NEBL: variants seen among roughly 807,000 people sequenced by gnomAD.
NEBL encodes the protein nebulette.
Under a neutral mutation model 140.2 loss-of-function variants are expected in NEBL, and 122 were observed. That is an observed-to-expected ratio of 0.87 (90% CI 0.75 to 1.01). NEBL has a LOEUF of 1.01. NEBL is among the 50% of genes least tolerant of loss of function. NEBL has a pLI of 0.00. For missense variants in NEBL, 1,365 were observed against 1,231.3 expected (o/e 1.11, Z -1.62); for synonymous variants, 436 against 398.9 (o/e 1.09, Z -1.11).
At chr10:21,064,915 A>G (rs1438193407) in intron 2 of NEBL, among the ~76,000 whole-genome samples, 1 of 152,148 alleles carries the variant, frequency 6.6e-6, no homozygotes, top group Non-Finnish European at 1.5e-5. Flanking sequence ...AGGAAAAAAA[A>G]AATATTTAAG....
intron 2 of NEBL, chr10:21,110,943 G>T: frequency 2.2e-6 from 1 of 458,192 alleles, no homozygotes; most frequent in Admixed American, 2.7e-5. Context: ...TTCCTATGCA[G>T]CAATAACAGA....
At chr10:21,148,818 G>A (rs1330200366) in intron 2 of NEBL, among the ~76,000 whole-genome samples, 4 of 152,132 alleles carry the variant, frequency 2.6e-5, no homozygotes, top group East Asian at 1.9e-4. Flanking sequence ...GAGCCACCAC[G>A]CCCGGCCCCT....
chr10:21,132,607 T>A (rs1407474435), intron 2 of NEBL, among the ~76,000 whole-genome samples: 1 of 152,126 alleles, frequency 6.6e-6, no homozygotes, highest in African/African-American at 2.4e-5. Flanking sequence ...CCACCTGCGA[T>A]GTGTGAGAGT....
intron 4 of NEBL, among the ~76,000 whole-genome samples, chr10:20,903,138 T>A (rs1448832213): frequency 6.6e-6 from 1 of 152,214 alleles, no homozygotes; most frequent in Non-Finnish European, 1.5e-5. Context: ...TATCAAACTC[T>A]ATACATATTA....
intron 2 of NEBL, among the ~76,000 whole-genome samples, chr10:21,076,919 G>A (rs1002449123): frequency 2.6e-5 from 4 of 152,072 alleles, no homozygotes; most frequent in South Asian, 2.1e-4. Flanking sequence ...GAAATGGGGG[G>A]TTAGTGTTTC....
In NEBL at chr10:21,233,952, G is replaced by C. The variant is rs537756573; in HGVS notation, n.348+13969C>G. Among the ~76,000 whole-genome samples, 16 of 135,066 alleles carry C rather than the reference G, an allele frequency of 1.2e-4. No homozygotes were observed. The East Asian group carries it at 3.4e-3, about 29-fold the overall frequency. The allele number at this position is 135,066 out of a possible 152,430, so 88.6% of individuals were successfully genotyped here. ...ACATATATATATATATGCTGGATGT[G>C]CGTTAGTATAGATGCATCCTTCCTA... On this transcript the variant is annotated intron_variant and non_coding_transcript_variant, in intron 3 of 8. Coordinates refer to the NEBL transcript ENST00000675702.
chr10:21,202,546 C>T (rs528776864), intron 3 of NEBL, among the ~76,000 whole-genome samples: 18 of 147,992 alleles, frequency 1.2e-4, no homozygotes, highest in Admixed American at 1.0e-3. Flanking sequence ...TCACTGCAAG[C>T]TCCGCCCCGC....
intron 3 of NEBL, among the ~76,000 whole-genome samples, chr10:20,964,998 A>C (rs1453712366): frequency 6.6e-6 from 1 of 152,236 alleles, no homozygotes; most frequent in Non-Finnish European, 1.5e-5. Context: ...CAAACATGTA[A>C]ATTTCTCATT....
chr10:21,038,929 T>C (rs669320), intron 2 of NEBL, among the ~76,000 whole-genome samples: 88,961 of 152,030 alleles, frequency 0.59, 26,074 homozygotes, highest in Non-Finnish European at 0.61. Context: ...TGGTATCTCA[T>C]TGTGGTTTTG....
chr10:21,082,564 A>AAAAAAAAC (rs1491075571), intron 2 of NEBL, among the ~76,000 whole-genome samples: 1 of 136,410 alleles, frequency 7.3e-6, no homozygotes, highest in African/African-American at 2.7e-5. Context: ...AAAAAAAAAA[A>AAAAAAAAC]ATTAAGACTG....
At chr10:21,093,308 C>G (rs75932093) in intron 2 of NEBL, among the ~76,000 whole-genome samples, 2 of 151,810 alleles carry the variant, frequency 1.3e-5, no homozygotes, top group East Asian at 3.9e-4. Flanking sequence ...AAGCATTGGA[C>G]GCATTTTATC....
chr10:21,216,883 GA>G (rs1841999710), intron 3 of NEBL, among the ~76,000 whole-genome samples: 1 of 152,140 alleles, frequency 6.6e-6, no homozygotes, highest in African/African-American at 2.4e-5. Context: ...AGCTACTTGG[GA>G]GGCTGAGGCA....
At chr10:21,185,771 T>C (rs978578742) in intron 3 of NEBL, among the ~76,000 whole-genome samples, 8 of 152,196 alleles carry the variant, frequency 5.3e-5, no homozygotes, top group African/African-American at 1.2e-4. Context: ...GTGTTGGGAT[T>C]ACAGGCGTGA....
intron 4 of NEBL, among the ~76,000 whole-genome samples, chr10:20,918,898 T>C (rs1474186675): frequency 1.3e-5 from 2 of 151,870 alleles, no homozygotes; most frequent in East Asian, 3.9e-4. Flanking sequence ...TTACTGTCAT[T>C]CTCTTAAAAT....
chr10:20,802,570 AAAGT>A (rs1393182819), intron 26 of NEBL, among the ~76,000 whole-genome samples: 2 of 152,242 alleles, frequency 1.3e-5, no homozygotes, highest in African/African-American at 2.4e-5. Context: ...CTGAACAATC[AAAGT>A]AAGATGGGAA....
intron 3 of NEBL, among the ~76,000 whole-genome samples, chr10:20,963,001 AAAACAC>A (rs1172074970): frequency 6.0e-3 from 600 of 100,814 alleles, no homozygotes; most frequent in African/African-American, 0.023. Flanking sequence ...GCTTGAAAGA[AAAACAC>A]ACACACACAC....
At chr10:20,816,969 G>A (rs537668298) in intron 21 of NEBL, among the ~76,000 whole-genome samples, 2 of 152,284 alleles carry the variant, frequency 1.3e-5, no homozygotes, top group African/African-American at 4.8e-5. Flanking sequence ...TGGTAGAAAA[G>A]GGAGGGAAAA....
chr10:20,801,505 G>C (rs1837117019), intron 26 of NEBL, among the ~76,000 whole-genome samples: 1 of 151,946 alleles, frequency 6.6e-6, no homozygotes, highest in Admixed American at 6.6e-5. Context: ...CCTCTACTTG[G>C]CTATTTCTAA....
chr10:21,174,112 G>A, exon 1 of NEBL: 1 of 844,444 alleles, frequency 1.2e-6, no homozygotes, highest in Non-Finnish European at 1.5e-6. Context: ...CTCCAGGTAC[G>A]GGTGACTCAC....
Sources: gnomAD v4.1 joint callset for allele counts (sites outside exome capture counted in the v4.1 genomes callset) on GRCh38, gnomAD v4.1.1 for gene constraint, MANE v1.5 for transcripts, NCBI Gene and HGNC (gene_info 2026-07-23, HGNC 2026-07-21) for gene names.